KCNG3: variants seen among roughly 807,000 people sequenced by gnomAD.
KCNG3 encodes voltage-gated potassium channel regulatory subunit KCNG3.
Under a neutral mutation model 29.0 loss-of-function variants are expected in KCNG3, and 15 were observed. That is an observed-to-expected ratio of 0.52 (90% CI 0.35 to 0.80). The LOEUF is 0.80. Ranked by LOEUF, KCNG3 falls within the 30% of genes least tolerant of loss-of-function variation. The pLI is 0.01. For synonymous variants in KCNG3, 322 were observed against 248.9 expected (o/e 1.29, Z -2.76); for missense variants, 512 against 605.7 (o/e 0.85, Z 1.62).
At chr2:42,399,796 T>C in the KCNG3 span, among the ~76,000 whole-genome samples, 1 of 152,128 alleles carries the variant, frequency 6.6e-6, no homozygotes, top group Non-Finnish European at 1.5e-5. Context: ...CTAGGGAGAA[T>C]GGGCTTCTAT....
At chr2:42,445,305 T>C (rs1054374416) in intron 1 of KCNG3, among the ~76,000 whole-genome samples, 1 of 152,156 alleles carries the variant, frequency 6.6e-6, no homozygotes, top group Non-Finnish European at 1.5e-5. Flanking sequence ...AGGGCATTAT[T>C]CCTATAGAAT....
intron 1 of KCNG3, among the ~76,000 whole-genome samples, chr2:42,483,549 T>C (rs1009566627): frequency 2.6e-5 from 4 of 152,174 alleles, no homozygotes; most frequent in Admixed American, 1.3e-4. Context: ...TCTGGACATA[T>C]TGGATAAAGT....
chr2:42,407,177 C>CTTT, the KCNG3 span, among the ~76,000 whole-genome samples: 16 of 133,144 alleles, frequency 1.2e-4, no homozygotes, highest in Non-Finnish European at 1.8e-4. Flanking sequence ...TCTGCTTGAT[C>CTTT]TTTTTTTTTT....
chr2:42,406,510 G>A, the KCNG3 span, among the ~76,000 whole-genome samples: 12 of 148,582 alleles, frequency 8.1e-5, no homozygotes, highest in South Asian at 2.3e-4. Context: ...TAAAGCCACC[G>A]CACCAGGCCT....
At chr2:42,461,186 A>AAC (rs1553328342) in intron 1 of KCNG3, among the ~76,000 whole-genome samples, 8 of 105,540 alleles carry the variant, frequency 7.6e-5, no homozygotes, top group Non-Finnish European at 1.5e-4. Context: ...ACAAAACAAA[A>AAC]AAAAAAAAAA....
chr2:42,392,362 T>C, the KCNG3 span, among the ~76,000 whole-genome samples: 1 of 152,102 alleles, frequency 6.6e-6, no homozygotes, highest in Admixed American at 6.6e-5. Flanking sequence ...CCTGAAACTT[T>C]GGGATCTCCT....
intron 1 of KCNG3, among the ~76,000 whole-genome samples, chr2:42,473,223 C>A (rs1000881451): frequency 2.0e-5 from 3 of 151,830 alleles, no homozygotes; most frequent in Admixed American, 6.6e-5. Context: ...TGTTTTATTT[C>A]TTTAATTGGG....
intron 1 of KCNG3, among the ~76,000 whole-genome samples, chr2:42,452,090 T>C (rs1672769361): frequency 6.6e-6 from 1 of 151,674 alleles, no homozygotes; most frequent in Non-Finnish European, 1.5e-5. Context: ...GGACAAAGGA[T>C]TTTTTAGATT....
chr2:42,474,165 C>T (rs1673363399), intron 1 of KCNG3, among the ~76,000 whole-genome samples: 1 of 151,602 alleles, frequency 6.6e-6, no homozygotes, highest in African/African-American at 2.4e-5. Flanking sequence ...GACTTAGTGA[C>T]CTAGAGCAGT....
intron 1 of KCNG3, among the ~76,000 whole-genome samples, chr2:42,455,045 T>TTA (rs1297452056): frequency 3.3e-5 from 5 of 152,260 alleles, no homozygotes; most frequent in South Asian, 2.1e-4. Context: ...AAATTTTATA[T>TTA]TATGTATATT....
At chr2:42,426,289 T>C in the KCNG3 span, among the ~76,000 whole-genome samples, 13 of 152,232 alleles carry the variant, frequency 8.5e-5, no homozygotes, top group Non-Finnish European at 1.8e-4. Context: ...TGATTTGAAA[T>C]ATTTTTATTA....
rs773899696 is a variant in KCNG3, at chr2:42,444,051, A to G, written c.1194T>C (p.Ile398=). 1.2e-6 allele frequency: 2 copies of G among 1,614,214 alleles called. No homozygotes were observed. Among genetic ancestry groups the G allele is most frequent in the East Asian group, 2.2e-5 (1 of 44,892 alleles). ...ILGGVCVVSG[I]VLLALPITFI... The stretch of plus-strand genomic sequence containing the variant: ...AAGTGATAGGTAATGCCAATAGAAC[A>G]ATTCCACTGACAACACAAACTCCTC... Residue 398 remains isoleucine, a synonymous_variant, in exon 2 of 2, where the codon ATT becomes ATC. Transcript: ENST00000306078. The surrounding 1 kb of genome is among the most constrained non-coding windows in gnomAD (Gnocchi z 5.8).
chr2:42,427,366 G>A, the KCNG3 span, among the ~76,000 whole-genome samples: 1 of 152,184 alleles, frequency 6.6e-6, no homozygotes, highest in Non-Finnish European at 1.5e-5. Flanking sequence ...CACTTTGGGA[G>A]GCTGAGGCAG....
At chr2:42,428,461 A>G in the KCNG3 span, among the ~76,000 whole-genome samples, 8 of 135,740 alleles carry the variant, frequency 5.9e-5, no homozygotes, top group Middle Eastern at 3.4e-3. Flanking sequence ...GGTCTCGGGA[A>G]AAAAAAAAAA....
At chr2:42,466,131 C>G (rs893232079) in intron 1 of KCNG3, among the ~76,000 whole-genome samples, 3 of 152,046 alleles carry the variant, frequency 2.0e-5, no homozygotes, top group Admixed American at 2.0e-4. Context: ...ATAGGCTAGG[C>G]ACAATGGCTC....
At chr2:42,390,649 C>T in the KCNG3 span, among the ~76,000 whole-genome samples, 2 of 152,184 alleles carry the variant, frequency 1.3e-5, no homozygotes, top group Non-Finnish European at 2.9e-5. Flanking sequence ...CCATTTTGAT[C>T]ATGTGGACTT....
intron 1 of KCNG3, among the ~76,000 whole-genome samples, chr2:42,445,400 T>C (rs1346589227): frequency 6.6e-6 from 1 of 152,154 alleles, no homozygotes; most frequent in African/African-American, 2.4e-5. Flanking sequence ...TGAATCGTCC[T>C]TCCTTCCCAA....
chr2:42,476,462 G>C (rs1250891736), intron 1 of KCNG3, among the ~76,000 whole-genome samples: 1 of 151,794 alleles, frequency 6.6e-6, no homozygotes, highest in African/African-American at 2.4e-5. Flanking sequence ...GGACAACAGA[G>C]TGAGATCCTT....
chr2:42,483,112 C>A (rs747175024), intron 1 of KCNG3, among the ~76,000 whole-genome samples: 4 of 152,008 alleles, frequency 2.6e-5, no homozygotes, highest in Admixed American at 6.6e-5. Context: ...CAGATCAAGA[C>A]CCTGTCTCAA....
Sources: gnomAD v4.1 joint callset for allele counts (sites outside exome capture counted in the v4.1 genomes callset) on GRCh38, gnomAD v4.1.1 for gene constraint, Gnocchi (gnomAD v3.1) non-coding constraint, MANE v1.5 for transcripts, NCBI Gene and HGNC (gene_info 2026-07-23, HGNC 2026-07-21) for gene names.